KHDRBS2: variants seen among roughly 807,000 people sequenced by gnomAD.
KHDRBS2 encodes KH domain-containing, RNA-binding, signal transduction-associated protein 2.
A neutral mutation model predicts 44.3 loss-of-function variants in KHDRBS2; 26 were observed. The ratio of observed to expected loss-of-function variants is 0.59; its 90% CI spans 0.43 to 0.81. KHDRBS2 has a LOEUF of 0.81. Among genes scored for constraint, KHDRBS2 ranks in the 40% least tolerant of loss-of-function variants. The pLI, the probability that KHDRBS2 is intolerant of heterozygous loss-of-function variation, is 0.00. For synonymous variants in KHDRBS2, 194 were observed against 151.1 expected, an observed-to-expected ratio of 1.28 and a Z score of -2.08; for missense variants, 476 against 433.1, an observed-to-expected ratio of 1.10 and a Z score of -0.88.
chr6:61,951,381 T>C (rs915246905), intron 4 of KHDRBS2, among the ~76,000 whole-genome samples: 8 of 152,066 alleles, frequency 5.3e-5, no homozygotes, highest in African/African-American at 1.9e-4. Context: ...TTTATACTTA[T>C]CAATCTACCA....
the KHDRBS2 span, among the ~76,000 whole-genome samples, chr6:61,645,462 C>T: frequency 6.7e-6 from 1 of 148,352 alleles, no homozygotes; most frequent in Non-Finnish European, 1.5e-5. Context: ...ACACTTGAAC[C>T]TAAAAAAAAA....
intron 3 of KHDRBS2, among the ~76,000 whole-genome samples, chr6:62,046,411 C>G (rs1787700545): frequency 6.6e-6 from 1 of 151,802 alleles, no homozygotes; most frequent in East Asian, 1.9e-4. Flanking sequence ...AAAACAGATA[C>G]AGTAAAATAT....
chr6:61,906,748 A>C, intron 4 of KHDRBS2, among the ~76,000 whole-genome samples: 1 of 152,188 alleles, frequency 6.6e-6, no homozygotes, highest in East Asian at 1.9e-4. Context: ...TTATGGCAGA[A>C]TAATATTCCA....
At chr6:62,255,639 C>CT (rs1837267817) in intron 1 of KHDRBS2, among the ~76,000 whole-genome samples, 1 of 149,444 alleles carries the variant, frequency 6.7e-6, no homozygotes, top group South Asian at 2.1e-4. Context: ...CACACACACA[C>CT]ACACACACAC....
intron 4 of KHDRBS2, among the ~76,000 whole-genome samples, chr6:61,932,642 A>G (rs1810280470): frequency 6.6e-6 from 1 of 152,144 alleles, no homozygotes; most frequent in South Asian, 2.1e-4. Context: ...CTCTAAAAAT[A>G]CAAAAAAATT....
chr6:61,883,624 A>T lies in KHDRBS2; in HGVS notation c.810+11011T>A, dbSNP rs1313216704. Among the ~76,000 whole-genome samples the T allele has an allele frequency of 3.9e-5, 6 of 152,212 alleles. No homozygotes were observed. In the South Asian group the frequency reaches 1.2e-3, roughly 32 times the overall value. On this transcript the variant is annotated intron_variant, in intron 6 of 8. Transcript: ENST00000281156. ...AATATACACAATTTTAAAAGGTGACATCTTACATAACTATGGGAAATAAAT... is the reference window on the plus strand; with the variant it reads ...AATATACACAATTTTAAAAGGTGACTTCTTACATAACTATGGGAAATAAAT...
At chr6:61,729,830 T>C (rs1207661308) in intron 7 of KHDRBS2, among the ~76,000 whole-genome samples, 1 of 152,198 alleles carries the variant, frequency 6.6e-6, no homozygotes, top group African/African-American at 2.4e-5. Flanking sequence ...TTTTTGCATA[T>C]TTTGGATACA....
chr6:62,059,895 C>T (rs961313520), intron 2 of KHDRBS2, among the ~76,000 whole-genome samples: 4 of 151,604 alleles, frequency 2.6e-5, no homozygotes, highest in Non-Finnish European at 5.9e-5. Context: ...CAAGGGAAAA[C>T]TTTTTATAAA....
At chr6:61,718,731 A>G (rs1473639266) in intron 7 of KHDRBS2, among the ~76,000 whole-genome samples, 3 of 152,064 alleles carry the variant, frequency 2.0e-5, no homozygotes, top group Non-Finnish European at 4.4e-5. Flanking sequence ...GGCCTCTCCC[A>G]CAGCTTTCTC....
intron 7 of KHDRBS2, among the ~76,000 whole-genome samples, chr6:61,700,890 C>T (rs140431451): frequency 5.9e-5 from 9 of 151,568 alleles, no homozygotes; most frequent in Non-Finnish European, 5.9e-5. Context: ...CTGCTTGCCT[C>T]GGGGATTGTT....
At chr6:61,835,751 AAGAT>A (rs1430877856) in intron 6 of KHDRBS2, among the ~76,000 whole-genome samples, 1 of 142,914 alleles carries the variant, frequency 7.0e-6, no homozygotes, top group East Asian at 2.0e-4. Context: ...ATGAGAGAGA[AAGAT>A]TGAGAGAGAG....
intron 6 of KHDRBS2, among the ~76,000 whole-genome samples, chr6:61,853,961 C>T (rs1310094279): frequency 3.9e-5 from 6 of 152,170 alleles, no homozygotes; most frequent in Non-Finnish European, 8.8e-5. Flanking sequence ...TTTACATTGG[C>T]CAGACCTTGG....
intron 2 of KHDRBS2, among the ~76,000 whole-genome samples, chr6:62,167,193 T>C (rs1818879205): frequency 1.3e-5 from 2 of 151,942 alleles, no homozygotes; most frequent in Admixed American, 1.3e-4. Flanking sequence ...TGAAAACAAC[T>C]AGTTAAAACA....
chr6:62,018,769 T>G (rs1199923578), intron 3 of KHDRBS2, among the ~76,000 whole-genome samples: 1 of 152,174 alleles, frequency 6.6e-6, no homozygotes, highest in Non-Finnish European at 1.5e-5. Context: ...AACTTTCTCA[T>G]TACAAAAATA....
intron 8 of KHDRBS2, among the ~76,000 whole-genome samples, chr6:61,692,399 T>G (rs1173058322): frequency 6.6e-6 from 1 of 151,814 alleles, no homozygotes; most frequent in Non-Finnish European, 1.5e-5. Flanking sequence ...ATTTATAAGA[T>G]AATTATATGT....
intron 6 of KHDRBS2, among the ~76,000 whole-genome samples, chr6:61,803,392 T>A (rs998852732): frequency 2.0e-5 from 3 of 152,138 alleles, no homozygotes; most frequent in Non-Finnish European, 4.4e-5. Flanking sequence ...CAGCTGTGTG[T>A]TGAAAAAATT....
intron 6 of KHDRBS2, among the ~76,000 whole-genome samples, chr6:61,876,565 T>G (rs1168145136): frequency 1.3e-5 from 2 of 152,172 alleles, no homozygotes; most frequent in East Asian, 3.9e-4. Flanking sequence ...GCCTGGTGCC[T>G]TCATCACCTA....
At chr6:61,697,436 AT>A (rs145743899) in intron 7 of KHDRBS2, among the ~76,000 whole-genome samples, 183 bp from the exon 8 acceptor site, 34 of 152,028 alleles carry the variant, frequency 2.2e-4, no homozygotes, top group African/African-American at 6.7e-4. Flanking sequence ...GAGTGCTATG[AT>A]TTTTTTTAAT....
chr6:61,640,257 A>G, the KHDRBS2 span, among the ~76,000 whole-genome samples: 6 of 152,130 alleles, frequency 3.9e-5, no homozygotes, highest in Non-Finnish European at 7.4e-5. Context: ...GGTACATGGT[A>G]TACATTATAC....
Sources: gnomAD v4.1 joint callset for allele counts (sites outside exome capture counted in the v4.1 genomes callset) on GRCh38, gnomAD v4.1.1 for gene constraint, MANE v1.5 for transcripts, NCBI Gene and HGNC (gene_info 2026-07-23, HGNC 2026-07-21) for gene names.